Variants in SLC6A5 observed in about 807,000 individuals in gnomAD.
SLC6A5 encodes solute carrier family 6 member 5.
A neutral mutation model predicts 90.5 loss-of-function variants in SLC6A5; 58 were observed. The observed-to-expected ratio is 0.64, with a 90% confidence interval of 0.52 to 0.80. The LOEUF (loss-of-function observed/expected upper bound fraction) is 0.80, where lower values mean the gene tolerates loss of function less well. Among genes scored for constraint, SLC6A5 ranks in the 30% least tolerant of loss-of-function variants. The pLI is 0.00. For synonymous variants in SLC6A5, 427 were observed against 401.4 expected, an observed-to-expected ratio of 1.06 and a Z score of -0.76; for missense variants, 1,015 against 1,017.6, an observed-to-expected ratio of 1.00 and a Z score of 0.03.
At chr11:20,632,832 C>T (rs2133805007) in intron 10 of SLC6A5, among the ~76,000 whole-genome samples, 1 of 152,314 alleles carries the variant, frequency 6.6e-6, no homozygotes, top group Non-Finnish European at 1.5e-5. Flanking sequence ...GCTGACCCAA[C>T]TTTGGTAACT....
At chr11:20,649,794 T>G (rs1370892185) in intron 14 of SLC6A5, among the ~76,000 whole-genome samples, 1 of 152,208 alleles carries the variant, frequency 6.6e-6, no homozygotes, top group Non-Finnish European at 1.5e-5. Flanking sequence ...ATATAGTAAA[T>G]GAAATGGAGC....
intron 13 of SLC6A5, among the ~76,000 whole-genome samples, chr11:20,639,054 A>G (rs564827627): frequency 1.6e-4 from 24 of 152,224 alleles, no homozygotes; most frequent in Non-Finnish European, 3.1e-4. Context: ...CAATATCTCA[A>G]TCTCAGATTT....
At position 20,624,305 on chromosome 11, in the gene SLC6A5, C is replaced by G. The variant is rs183407250; in HGVS notation, c.1261-2403C>G. On this transcript the variant is annotated intron_variant, in intron 7 of 15. Transcript: ENST00000525748. ...AGTAGCTGGGACTACAGGCATGCACCACCATGCCCGGTTAATTTTTGTATT... is the reference window on the plus strand; with the variant it reads ...AGTAGCTGGGACTACAGGCATGCACGACCATGCCCGGTTAATTTTTGTATT... Among the ~76,000 whole-genome samples, 721 of 152,038 alleles carry G rather than the reference C, an allele frequency of 4.7e-3. 10 individuals are homozygous for G. Among genetic ancestry groups the G allele is most frequent in the African/African-American group, 0.017 (694 of 41,460 alleles).
chr11:20,600,649 G>A (rs148698300), intron 1 of SLC6A5, among the ~76,000 whole-genome samples: 7 of 152,266 alleles, frequency 4.6e-5, no homozygotes, highest in Middle Eastern at 3.4e-3. Flanking sequence ...GGCCTCAAGC[G>A]CTCGCAGGTG....
At chr11:20,622,021 G>A (rs993849875) in intron 7 of SLC6A5, among the ~76,000 whole-genome samples, 1 of 151,666 alleles carries the variant, frequency 6.6e-6, no homozygotes, top group African/African-American at 2.4e-5. Flanking sequence ...CACCTGTTCA[G>A]GGGTCCCATG....
chr11:20,637,258 C>G lies in SLC6A5; in HGVS notation c.1824C>G (p.Gly608=). Residue 608 remains glycine (G), a synonymous_variant, in exon 12 of 16, where the codon GGC becomes GGG. Coordinates refer to ENST00000525748, the MANE Select transcript of SLC6A5 (RefSeq NM_004211.5). The part of the protein sequence containing the change: ...LRTHKPVFTL[G]CCICFFIMGF... ...CACACAAGCCAGTGTTTACTCTGGGCTGCTGCATTTGTTTCTTCATCATGG... is the reference window on the plus strand; with the variant it reads ...CACACAAGCCAGTGTTTACTCTGGGGTGCTGCATTTGTTTCTTCATCATGG... 6.2e-7 allele frequency: 1 copy of G among 1,611,438 alleles called. No individual in the cohort carries two copies. Among genetic ancestry groups the G allele is most frequent in the Non-Finnish European group, 8.5e-7 (1 of 1,178,422 alleles).
At chr11:20,617,728 C>G (rs556556536) in intron 6 of SLC6A5, 24 bp from the exon 7 acceptor site, 3 of 1,610,036 alleles carry the variant, frequency 1.9e-6, no homozygotes, top group African/African-American at 2.7e-5. Flanking sequence ...TATCACTCCC[C>G]CCATCCCTCC....
chr11:20,600,404 A>AGAAGAG (rs1852445277), intron 1 of SLC6A5, among the ~76,000 whole-genome samples: 2 of 145,502 alleles, frequency 1.4e-5, no homozygotes, highest in African/African-American at 5.1e-5. Context: ...AAGAAGAAGA[A>AGAAGAG]GAAGAAGACC....
chr11:20,644,994 G>C (rs1451506890), intron 13 of SLC6A5, among the ~76,000 whole-genome samples: 1 of 151,556 alleles, frequency 6.6e-6, no homozygotes, highest in East Asian at 1.9e-4. Flanking sequence ...TGTATTTTTG[G>C]TAGAGATGGG....
At chr11:20,635,074 T>A (rs952735274) in intron 10 of SLC6A5, among the ~76,000 whole-genome samples, 1 of 152,014 alleles carries the variant, frequency 6.6e-6, no homozygotes. Context: ...CAAGACCACA[T>A]GAAGTGTTCT....
intron 9 of SLC6A5, 31 bp from the exon 10 acceptor site, chr11:20,630,660 C>T (rs1853091191): frequency 1.2e-6 from 2 of 1,613,686 alleles, no homozygotes; most frequent in Non-Finnish European, 1.7e-6. Context: ...CCAAGCACAC[C>T]TAATGGAAAA....
intron 11 of SLC6A5, among the ~76,000 whole-genome samples, chr11:20,636,830 G>A (rs899112920): frequency 6.6e-6 from 1 of 152,164 alleles, no homozygotes; most frequent in African/African-American, 2.4e-5. Flanking sequence ...TGCAAAGAGG[G>A]TTTTTCCTCA....
intron 15 of SLC6A5, 108 bp downstream of exon 15, chr11:20,652,564 T>G: frequency 8.8e-7 from 1 of 1,132,588 alleles, no homozygotes; most frequent in Admixed American, 1.7e-5. Context: ...AGAGGGAGAC[T>G]TGGTGATGAA....
intron 1 of SLC6A5, among the ~76,000 whole-genome samples, chr11:20,599,933 C>A (rs1227667686): frequency 6.6e-6 from 1 of 152,116 alleles, no homozygotes. Flanking sequence ...GTCCTCGGTG[C>A]TGAAAAGCCA....
At chr11:20,602,475 C>T (rs914496542) in intron 2 of SLC6A5, among the ~76,000 whole-genome samples, 4 of 152,112 alleles carry the variant, frequency 2.6e-5, no homozygotes, top group Non-Finnish European at 4.4e-5. Flanking sequence ...ATTTCCCTCT[C>T]GTCTCTCTCC....
chr11:20,600,817 G>A (rs576415303), intron 1 of SLC6A5, among the ~76,000 whole-genome samples: 2 of 152,318 alleles, frequency 1.3e-5, no homozygotes, highest in South Asian at 2.1e-4. Context: ...TCCAAAGAGG[G>A]AGGGGAGCTC....
intron 5 of SLC6A5, among the ~76,000 whole-genome samples, chr11:20,612,509 G>T (rs1223541013): frequency 6.6e-6 from 1 of 152,086 alleles, no homozygotes; most frequent in Non-Finnish European, 1.5e-5. Context: ...GATCAAGCCT[G>T]CTTCTTAAAA....
In SLC6A5 at chr11:20,659,206, G is replaced by A. The variant is rs1853672235; in HGVS notation, c.*4338G>A. The A allele has an allele frequency of 6.6e-6, 1 of 151,676 alleles. No homozygotes were observed. The highest frequency in any genetic ancestry group is 1.5e-5 in the Non-Finnish European group (1 of 67,972). 9.4% of individuals were successfully genotyped at this position (151,676 alleles called of 1,614,324 possible). On this transcript the variant is annotated 3_prime_UTR_variant, in exon 16 of 16. Coordinates refer to ENST00000525748, the MANE Select transcript of SLC6A5 (RefSeq NM_004211.5). ...ATTGTATTATATATTTGCCTATTAT[G>A]TACTGATATAAATTAGAATTTACCC...
chr11:20,643,157 G>A (rs1311290824), intron 13 of SLC6A5, among the ~76,000 whole-genome samples: 2 of 151,504 alleles, frequency 1.3e-5, no homozygotes, highest in Admixed American at 1.3e-4. Context: ...TCTTGGGGAT[G>A]GTTTCATGAA....
Sources: gnomAD v4.1 joint callset for allele counts (sites outside exome capture counted in the v4.1 genomes callset) on GRCh38, gnomAD v4.1.1 for gene constraint, MANE v1.5 for transcripts, NCBI Gene and HGNC (gene_info 2026-07-23, HGNC 2026-07-21) for gene names.